Variants in L3MBTL2 observed in about 807,000 individuals in gnomAD.
The protein encoded by L3MBTL2 is lethal(3)malignant brain tumor-like protein 2.
Under a neutral mutation model 86.4 loss-of-function variants are expected in L3MBTL2, and 49 were observed. That is an observed-to-expected ratio of 0.57 (90% CI 0.45 to 0.72). The LOEUF (loss-of-function observed/expected upper bound fraction) is 0.72, where lower values mean the gene tolerates loss of function less well. Ranked by LOEUF, L3MBTL2 falls within the 30% of genes least tolerant of loss-of-function variation. The probability of loss-of-function intolerance (pLI) is 0.00; values close to 1 mark genes in which losing one functional copy is unlikely to be tolerated. For synonymous variants in L3MBTL2, 336 were observed against 350.6 expected, an observed-to-expected ratio of 0.96 and a Z score of 0.47; for missense variants, 755 against 923.7, an observed-to-expected ratio of 0.82 and a Z score of 2.37.
intron 8 of L3MBTL2, among the ~76,000 whole-genome samples, chr22:41,221,895 G>T (rs981547936): frequency 1.4e-5 from 2 of 146,456 alleles, no homozygotes; most frequent in African/African-American, 2.6e-5. Context: ...GAGCCACCGC[G>T]CCCAGCCTTT....
chr22:41,219,517 C>T lies in L3MBTL2; in HGVS notation c.699C>T (p.Ala233=), dbSNP rs748594861. ...AVLPSRVYWI[A]SVIQTAGYRV... The stretch of plus-strand genomic sequence containing the variant: ...TCCCCAGCCGGGTGTACTGGATCGC[C>T]TCTGTCATCCAGACAGCAGGTGAGT... The change falls in exon 6 of 17, where the codon GCC becomes GCT. Residue 233 remains alanine (A), a synonymous_variant. Coordinates refer to ENST00000216237, the MANE Select transcript of L3MBTL2 (RefSeq NM_031488.5). 1.2e-6 allele frequency: 2 copies of T among 1,612,464 alleles called. No individual in the cohort carries two copies. The highest frequency in any genetic ancestry group is 1.1e-5 in the South Asian group (1 of 91,040).
At chr22:41,211,582 A>G (rs1186203041) in intron 2 of L3MBTL2, among the ~76,000 whole-genome samples, 5 of 49,514 alleles carry the variant, frequency 1.0e-4, no homozygotes, top group African/African-American at 2.4e-4. Context: ...TTTGAGACGG[A>G]GTCTTGCTCT....
chr22:41,223,580 G>A (rs1447481389), intron 8 of L3MBTL2, among the ~76,000 whole-genome samples: 4 of 152,200 alleles, frequency 2.6e-5, no homozygotes, highest in Non-Finnish European at 5.9e-5. Flanking sequence ...GGCGGGGAGG[G>A]CAGGATGCCT....
intron 5 of L3MBTL2, chr22:41,218,839 T>C (rs2145591721): frequency 6.6e-6 from 1 of 152,488 alleles, no homozygotes; most frequent in Admixed American, 6.5e-5. Context: ...TTGGTCAGGC[T>C]GGTCTCGAAC....
At position 41,205,415 on chromosome 22, in the gene L3MBTL2, G is replaced by GGAAA. The variant is rs747906596; in HGVS notation, c.24+31_24+34dup. 6.2e-5 allele frequency: 100 copies of GGAAA among 1,613,790 alleles called. No homozygotes were observed. The Middle Eastern group carries it at 6.6e-4, about 11-fold the overall frequency. On this transcript the variant is annotated intron_variant, in intron 1 of 16. Coordinates refer to ENST00000216237, the MANE Select transcript of L3MBTL2 (RefSeq NM_031488.5). ...AGAAGGCGAGGACTTAGCGTGACTG[G>GGAAA]GAAAGGGAACTCCGAGAGCCTCGCT...
intron 1 of L3MBTL2, 102 bp downstream of exon 1, chr22:41,205,488 G>GTGGGAGGA (rs2030132221): frequency 1.5e-6 from 2 of 1,352,178 alleles, no homozygotes; most frequent in Admixed American, 3.4e-5. Flanking sequence ...AGGGTGGAGG[G>GTGGGAGGA]TGGGAGGATG....
chr22:41,207,264 A>G (rs1401645191), intron 1 of L3MBTL2, among the ~76,000 whole-genome samples: 3 of 138,134 alleles, frequency 2.2e-5, no homozygotes, highest in Non-Finnish European at 3.1e-5. Flanking sequence ...TTTTTTTTGA[A>G]ACAGGGTTGC....
intron 1 of L3MBTL2, among the ~76,000 whole-genome samples, chr22:41,205,690 G>A (rs930626593): frequency 3.3e-5 from 5 of 152,130 alleles, no homozygotes; most frequent in Non-Finnish European, 7.3e-5. Context: ...TCGTGGCTGT[G>A]TTGTTTAGGG....
chr22:41,229,039 CTT>C (rs902459688), intron 15 of L3MBTL2, among the ~76,000 whole-genome samples: 4 of 152,044 alleles, frequency 2.6e-5, no homozygotes, highest in Non-Finnish European at 4.4e-5. Flanking sequence ...GGGAGGATCT[CTT>C]GAGCCCAAGA....
chr22:41,226,966 G>A, intron 13 of L3MBTL2, 123 bp from the exon 14 acceptor site: 1 of 859,900 alleles, frequency 1.2e-6, no homozygotes, highest in Non-Finnish European at 1.8e-6. Flanking sequence ...AGAGGAAGCT[G>A]CCCCAGCAGC....
At chr22:41,229,121 G>A (rs139725217) in intron 15 of L3MBTL2, among the ~76,000 whole-genome samples, 1 of 152,222 alleles carries the variant, frequency 6.6e-6, no homozygotes, top group African/African-American at 2.4e-5. Context: ...GCTGGGTATG[G>A]TGGCACAGGC....
intron 6 of L3MBTL2, among the ~76,000 whole-genome samples, chr22:41,220,086 C>T (rs147150047): frequency 6.6e-6 from 1 of 152,212 alleles, no homozygotes; most frequent in East Asian, 1.9e-4. Flanking sequence ...TCGTGGCTCA[C>T]ACCTCTAATC....
chr22:41,212,633 C>T (rs1047280838), intron 2 of L3MBTL2, among the ~76,000 whole-genome samples: 1 of 152,056 alleles, frequency 6.6e-6, no homozygotes, highest in Non-Finnish European at 1.5e-5. Context: ...TGGTGGCTCA[C>T]GCCTGTAATC....
At chr22:41,222,080 T>C (rs1041746141) in intron 8 of L3MBTL2, among the ~76,000 whole-genome samples, 2 of 151,320 alleles carry the variant, frequency 1.3e-5, no homozygotes, top group African/African-American at 4.9e-5. Context: ...TTTTTGTATT[T>C]TTAGTAGAGA....
rs769831418 is a variant in L3MBTL2 at position 41,220,865 on chromosome 22, C to T, written c.850C>T (p.Arg284Trp). ...CAACAGCAAGATCCTAGTGCCCCCA[C>T]GGAGTGAGTTGATGAGAACATTTCC... ...AINSKILVPP[R>W]TIHAKFTDWK... Residue 284 changes from arginine to tryptophan, a missense_variant, in exon 7 of 17, where the codon CGG (arginine) becomes TGG (tryptophan). By Grantham distance (101) the Arg-to-Trp change is moderately radical. Transcript: ENST00000216237. The T allele has an allele frequency of 6.8e-6, 11 of 1,612,628 alleles. No homozygotes were observed. The highest frequency in any genetic ancestry group is 2.7e-5 in the African/African-American group (2 of 74,884).
At chr22:41,212,415 G>C (rs992831194) in intron 2 of L3MBTL2, among the ~76,000 whole-genome samples, 1 of 73,028 alleles carries the variant, frequency 1.4e-5, no homozygotes, top group African/African-American at 4.8e-5. Flanking sequence ...TTTTTTTTTT[G>C]AGACAGCGTT....
Position 41,230,632 on chromosome 22 carries a change from A to C in L3MBTL2, c.*381A>C. The C allele has an allele frequency of 4.4e-6, 1 of 229,598 alleles. No individual in the cohort carries two copies. Among genetic ancestry groups the C allele is most frequent in the Non-Finnish European group, 8.5e-6 (1 of 117,134 alleles). The allele number at this position is 229,598 out of a possible 1,614,324, so 14.2% of individuals were successfully genotyped here. On this transcript the variant is annotated 3_prime_UTR_variant, in exon 17 of 17. Transcript: ENST00000216237. ...CCACTGTCACACTGTGGAATACAAG[A>C]CAGTGAACTCTGTCTGCCTGAACGA...
At chr22:41,218,338 C>T (rs1047317727) in intron 5 of L3MBTL2, 7 of 152,148 alleles carry the variant, frequency 4.6e-5, no homozygotes, top group African/African-American at 1.7e-4. Context: ...CATGGTGAAA[C>T]CCCATCTCTA....
At chr22:41,222,026 G>A (rs1298605755) in intron 8 of L3MBTL2, among the ~76,000 whole-genome samples, 1 of 152,098 alleles carries the variant, frequency 6.6e-6, no homozygotes, top group Non-Finnish European at 1.5e-5. Flanking sequence ...AGCCTCCCGA[G>A]TAGTTGGGAT....
Sources: gnomAD v4.1 joint callset for allele counts (sites outside exome capture counted in the v4.1 genomes callset) on GRCh38, gnomAD v4.1.1 for gene constraint, MANE v1.5 for transcripts, NCBI Gene and HGNC (gene_info 2026-07-23, HGNC 2026-07-21) for gene names.